ALG5: variants seen among roughly 807,000 people sequenced by gnomAD.
The protein encoded by ALG5 is dolichyl-phosphate beta-glucosyltransferase.
In ALG5, 26 loss-of-function variants were observed where a neutral mutation model predicts 51.8. That is an observed-to-expected ratio of 0.50 (90% CI 0.37 to 0.70). The LOEUF (loss-of-function observed/expected upper bound fraction) is 0.70, where lower values mean the gene tolerates loss of function less well. Among genes scored for constraint, ALG5 ranks in the 30% least tolerant of loss-of-function variants. The pLI is 0.00. For synonymous variants in ALG5, 141 were observed against 136.1 expected (o/e 1.04, Z -0.25); for missense variants, 311 against 399.3 (o/e 0.78, Z 1.88).
intron 8 of ALG5, among the ~76,000 whole-genome samples, chr13:36,965,233 C>T (rs2058887509): frequency 6.6e-6 from 1 of 151,498 alleles, no homozygotes; most frequent in African/African-American, 2.4e-5. Context: ...CCTTATCTTC[C>T]GTAGAAGGAA....
intron 7 of ALG5, among the ~76,000 whole-genome samples, chr13:36,966,538 C>T (rs549358649): frequency 4.3e-4 from 66 of 152,200 alleles, no homozygotes; most frequent in Non-Finnish European, 4.7e-4. Flanking sequence ...GAGACAGAGA[C>T]GCCTTCTGTT....
At chr13:36,951,060 T>A (rs895035176) in intron 9 of ALG5, among the ~76,000 whole-genome samples, 1 of 152,216 alleles carries the variant, frequency 6.6e-6, no homozygotes, top group African/African-American at 2.4e-5. Context: ...CAAAGCACTG[T>A]AGAGACATTA....
chr13:36,968,940 G>A (rs1271650602), intron 7 of ALG5, among the ~76,000 whole-genome samples: 6 of 152,124 alleles, frequency 3.9e-5, no homozygotes, highest in Non-Finnish European at 7.4e-5. Context: ...CATCTGCAGC[G>A]GACAACCAAT....
Position 36,995,704 on chromosome 13 carries a change from C to T in ALG5, c.67-108G>A, listed in dbSNP as rs375436692. The T allele has an allele frequency of 6.5e-6, 7 of 1,076,056 alleles. No individual in the cohort carries two copies. In the African/African-American group the frequency reaches 8.1e-5, roughly 12 times the overall value. 66.7% of individuals were successfully genotyped at this position (1,076,056 alleles called of 1,614,324 possible). A position where few individuals can be genotyped will look rare whatever the true frequency, so the allele number is the denominator to read the frequency against. On this transcript the variant is annotated intron_variant, in intron 1 of 9. Transcript: ENST00000239891. Reference sequence around the variant, plus strand: ...TACTTTTCTTTTAGTTGAATACTCACTCTCAGGTTTTAGTTCATTAACAAT... The same window carrying T: ...TACTTTTCTTTTAGTTGAATACTCATTCTCAGGTTTTAGTTCATTAACAAT...
At chr13:36,977,815 CAAAAACGGT>C (rs2058959973) in intron 6 of ALG5, among the ~76,000 whole-genome samples, 1 of 96,726 alleles carries the variant, frequency 1.0e-5, no homozygotes, top group African/African-American at 4.4e-5. Flanking sequence ...AAAAAAAAAA[CAAAAACGGT>C]GGTAAGAAGT....
chr13:36,990,495 A>C (rs1467957847), intron 4 of ALG5, among the ~76,000 whole-genome samples: 1 of 152,114 alleles, frequency 6.6e-6, no homozygotes, highest in East Asian at 1.9e-4. Flanking sequence ...CTGACTCTAC[A>C]CTGTACATAC....
At chr13:36,982,048 G>A (rs1485784850) in intron 6 of ALG5, among the ~76,000 whole-genome samples, 3 of 152,166 alleles carry the variant, frequency 2.0e-5, no homozygotes, top group African/African-American at 4.8e-5. Context: ...CTGAGATTGC[G>A]CCACTGCACT....
At chr13:36,954,456 C>A (rs1168263632) in intron 8 of ALG5, among the ~76,000 whole-genome samples, 2 of 152,054 alleles carry the variant, frequency 1.3e-5, no homozygotes, top group South Asian at 2.1e-4. Flanking sequence ...CTCCCAAAGT[C>A]CTGAGATTAC....
chr13:36,950,178 G>A (rs2138773531), intron 9 of ALG5, 121 bp from the exon 10 acceptor site: 1 of 538,944 alleles, frequency 1.9e-6, no homozygotes, highest in Admixed American at 3.7e-5. Flanking sequence ...TTTAAATCAT[G>A]GACCAAAAAG....
chr13:36,994,401 G>A (rs1285730542), intron 3 of ALG5, among the ~76,000 whole-genome samples: 3 of 152,056 alleles, frequency 2.0e-5, no homozygotes, highest in African/African-American at 7.3e-5. Context: ...TACAAAAGAA[G>A]GTTGTGTATT....
At chr13:36,983,152 A>T (rs1340773820) in intron 6 of ALG5, among the ~76,000 whole-genome samples, 2 of 152,180 alleles carry the variant, frequency 1.3e-5, no homozygotes, top group Admixed American at 1.3e-4. Context: ...TCTTTGCCCT[A>T]CTGCTGAATG....
intron 8 of ALG5, among the ~76,000 whole-genome samples, chr13:36,963,618 T>C (rs1479585684): frequency 6.6e-6 from 1 of 150,844 alleles, no homozygotes; most frequent in Non-Finnish European, 1.5e-5. Context: ...TTTTTCAACA[T>C]AATAAAAACA....
At chr13:36,977,889 G>A (rs1191692292) in intron 6 of ALG5, among the ~76,000 whole-genome samples, 2 of 121,664 alleles carry the variant, frequency 1.6e-5, no homozygotes, top group Non-Finnish European at 3.4e-5. Context: ...ATCTTTCTCA[G>A]TATTTTTTTT....
intron 6 of ALG5, among the ~76,000 whole-genome samples, chr13:36,984,038 A>C (rs1054618822): frequency 6.6e-6 from 1 of 151,568 alleles, no homozygotes; most frequent in Admixed American, 6.6e-5. Flanking sequence ...GGTCTATTTC[A>C]TTCATAGATA....
At chr13:36,961,985 A>G (rs1224100926) in intron 8 of ALG5, among the ~76,000 whole-genome samples, 3 of 152,018 alleles carry the variant, frequency 2.0e-5, no homozygotes, top group Non-Finnish European at 4.4e-5. Context: ...ACGAGGTTTC[A>G]CCATTTTGGC....
rs774782266 is a variant in ALG5 at position 36,965,628 on chromosome 13, T to C, written c.720A>G (p.Leu240=). ...TCCGTGAAGCTGCTTCTCGAGTAAA[T>C]AATTTGAACCCACACTGTGTGTCCC... ...GIRDTQCGFK[L]FTREAASRTF... The change falls in exon 8 of 10, where the codon TTA becomes TTG. Residue 240 remains leucine, a synonymous_variant. Coordinates refer to ENST00000239891, the MANE Select transcript of ALG5 (RefSeq NM_013338.5). 1 of 1,614,004 alleles carries C rather than the reference T, an allele frequency of 6.2e-7. No homozygotes were observed. Among genetic ancestry groups the C allele is most frequent in the South Asian group, 1.1e-5 (1 of 91,074 alleles).
At chr13:36,998,995 T>C (rs1410270420) in intron 1 of ALG5, 1 of 388,896 alleles carries the variant, frequency 2.6e-6, no homozygotes, top group Non-Finnish European at 4.5e-6. Context: ...TGCGCTCCAG[T>C]GTGAAAAAAC....
intron 6 of ALG5, among the ~76,000 whole-genome samples, chr13:36,975,982 A>AC (rs1370122201): frequency 5.9e-5 from 9 of 152,116 alleles, no homozygotes; most frequent in African/African-American, 2.2e-4. Context: ...TCAAAAAAAA[A>AC]AAAACAAAAC....
intron 6 of ALG5, among the ~76,000 whole-genome samples, chr13:36,974,671 T>G (rs2058941541): frequency 2.0e-5 from 3 of 152,176 alleles, no homozygotes; most frequent in Admixed American, 2.0e-4. Flanking sequence ...CTACCTAGCT[T>G]CAATAATTAG....
Sources: gnomAD v4.1 joint callset for allele counts (sites outside exome capture counted in the v4.1 genomes callset) on GRCh38, gnomAD v4.1.1 for gene constraint, MANE v1.5 for transcripts, NCBI Gene and HGNC (gene_info 2026-07-23, HGNC 2026-07-21) for gene names.